C2: variants seen among roughly 807,000 people sequenced by gnomAD.
C2 encodes the protein C3/C5 convertase.
Under a neutral mutation model 85.2 loss-of-function variants are expected in C2, and 64 were observed. The observed-to-expected ratio is 0.75, with a 90% CI of 0.61 to 0.92. C2 has a LOEUF of 0.92. Ranked by LOEUF, C2 falls within the 40% of genes least tolerant of loss-of-function variation. The pLI is 0.00. For synonymous variants in C2, 311 were observed against 370.8 expected (o/e 0.84, Z 1.85); for missense variants, 820 against 971.6 (o/e 0.84, Z 2.07).
intron 1 of C2, among the ~76,000 whole-genome samples, chr6:31,913,033 A>AG (rs1466565480): frequency 2.0e-5 from 3 of 149,658 alleles, no homozygotes; most frequent in Non-Finnish European, 4.5e-5. Flanking sequence ...GTTTCCACAA[A>AG]AAAAAAAAAA....
intron 6 of C2, 40 bp downstream of exon 6, chr6:31,934,339 G>T: frequency 6.2e-7 from 1 of 1,613,132 alleles, no homozygotes; most frequent in Non-Finnish European, 8.5e-7. Context: ...AGGCCTTCCT[G>T]TGCTCACTAT....
chr6:31,918,710 C>T (rs761554454), upstream of C2, among the ~76,000 whole-genome samples: 2 of 151,700 alleles, frequency 1.3e-5, no homozygotes, highest in Non-Finnish European at 2.9e-5. Context: ...CCAGCCTGGC[C>T]AAGTTGGTGA....
At position 31,943,304 on chromosome 6, in the gene C2, G is replaced by A; in HGVS notation, c.1440G>A (p.Trp480Ter). The A allele has an allele frequency of 6.2e-7, 1 of 1,613,028 alleles. No homozygotes were observed. Reference protein sequence around the residue: ...ANASDQERTPWHVTIKPKSQE... With the variant: ...ANASDQERTP The stretch of plus-strand genomic sequence containing the variant: ...CCTCTGACCAGGAGAGGACACCCTG[G>A]CATGTCACTATTAAGGTACCAGGAA... The change falls in exon 11 of 18, where the codon TGG (tryptophan) becomes TGA (stop). Residue 480 changes from tryptophan (W) to a stop codon, truncating the protein, a stop_gained. Transcript: ENST00000299367. LOFTEE classifies it high-confidence loss of function. This position sits in a 1 kb window ranked among gnomAD's most constrained non-coding sequence, Gnocchi z 6.4.
Position 31,920,653 on chromosome 6 carries a change from G to C in C2, c.-100+627G>C, listed in dbSNP as rs545244322. ...CATGCCCCCCACCAGCCCAAGGACA[G>C]TGGAGACCTCAGAGGGCTGAGGTAA... On this transcript the variant is annotated intron_variant, in intron 1 of 3. Coordinates refer to the C2 transcript ENST00000413154. The surrounding 1 kb of genome is among the most constrained non-coding windows in gnomAD (Gnocchi z 5.6). 6.6e-6 allele frequency among the ~76,000 whole-genome samples: 1 copy of C among 152,334 alleles called. No individual in the cohort carries two copies. Among genetic ancestry groups the C allele is most frequent in the East Asian group, 1.9e-4 (1 of 5,190 alleles).
chr6:31,930,027 A>T (rs1769605221), intron 3 of C2, among the ~76,000 whole-genome samples: 1 of 151,346 alleles, frequency 6.6e-6, no homozygotes, highest in South Asian at 2.1e-4. Flanking sequence ...AAACAAACAA[A>T]CAAACAAACA....
intron 6 of C2, chr6:31,934,931 C>A: frequency 7.4e-6 from 2 of 269,820 alleles, no homozygotes; most frequent in Non-Finnish European, 1.1e-5. Flanking sequence ...TCGCTTGGAT[C>A]CGGGAGGTGG....
chr6:31,944,655 A>G lies in C2; in HGVS notation c.1903-72A>G. The G allele has an allele frequency of 6.4e-7, 1 of 1,552,644 alleles. No individual in the cohort carries two copies. Among genetic ancestry groups the G allele is most frequent in the Non-Finnish European group, 8.9e-7 (1 of 1,126,712 alleles). On this transcript the variant is annotated intron_variant, in intron 15 of 17. Coordinates refer to ENST00000299367, the MANE Select transcript of C2 (RefSeq NM_000063.6). This position sits in a 1 kb window ranked among gnomAD's most constrained non-coding sequence, Gnocchi z 5.1. Reference sequence around the variant, plus strand: ...CTCAACCTCCCAAAGTGCTGAGATTACAGGCGTGAGCCACTGCACCCACCC... The same window carrying G: ...CTCAACCTCCCAAAGTGCTGAGATTGCAGGCGTGAGCCACTGCACCCACCC...
chr6:31,911,134 A>G (rs577519817), intron 1 of C2, among the ~76,000 whole-genome samples: 1 of 152,168 alleles, frequency 6.6e-6, no homozygotes, highest in South Asian at 2.1e-4. Flanking sequence ...CCCCGTCTCT[A>G]CTAAAAATAC....
upstream of C2, among the ~76,000 whole-genome samples, chr6:31,899,346 C>A (rs1035275602): frequency 8.0e-5 from 12 of 150,634 alleles, no homozygotes; most frequent in African/African-American, 4.9e-5. Flanking sequence ...TCTTACCTGG[C>A]GTCTTACTTT....
rs1284548990 is a variant in C2, at chr6:31,937,310, A to G, written c.989-9A>G. ...TTCTAAGAGAGTCCTTCCTTTTGGC[A>G]TATTCCAGATCATGAAAATGGAACT... On this transcript the variant is annotated splice_polypyrimidine_tract_variant and intron_variant, in intron 7 of 17. Coordinates refer to ENST00000299367, the MANE Select transcript of C2 (RefSeq NM_000063.6). 1.2e-6 allele frequency: 2 copies of G among 1,612,752 alleles called. No homozygotes were observed. Among genetic ancestry groups the G allele is most frequent in the Non-Finnish European group, 1.7e-6 (2 of 1,179,902 alleles).
In C2 at chr6:31,932,690, C is replaced by T. The variant is rs535858326; in HGVS notation, c.443-920C>T. Among the ~76,000 whole-genome samples the T allele has an allele frequency of 5.3e-5, 8 of 151,458 alleles. No homozygotes were observed. The South Asian group carries it at 1.0e-3, about 20-fold the overall frequency. ...CAGACGATGGGTGGCCAGGCGGAGA[C>T]GCTCCTCACTTCCCAGACGGGGTGG... On this transcript the variant is annotated intron_variant, in intron 3 of 17. Transcript: ENST00000299367.
chr6:31,918,675 G>A (rs943796059), upstream of C2, among the ~76,000 whole-genome samples: 1 of 151,686 alleles, frequency 6.6e-6, no homozygotes, highest in East Asian at 1.9e-4. Context: ...CGAGGTGGGC[G>A]GATCACGAGG....
In C2 at chr6:31,944,591, G is replaced by C. The variant is rs1771198809; in HGVS notation, c.1903-136G>C. ...AGACGGGATTTCGCCATGTTGGCCA[G>C]GATGGTCTTGAACTCCTGACCTCAA... On this transcript the variant is annotated intron_variant, in intron 15 of 17. Coordinates refer to ENST00000299367, the MANE Select transcript of C2 (RefSeq NM_000063.6). This position sits in a 1 kb window ranked among gnomAD's most constrained non-coding sequence, Gnocchi z 5.1. 3.1e-6 allele frequency: 3 copies of C among 963,238 alleles called. No individual in the cohort carries two copies. Among genetic ancestry groups the C allele is most frequent in the Non-Finnish European group, 5.0e-6 (3 of 594,332 alleles). 59.7% of individuals were successfully genotyped at this position (963,238 alleles called of 1,614,324 possible).
chr6:31,932,441 G>A (rs770997101), intron 3 of C2: 1 of 294,268 alleles, frequency 3.4e-6, no homozygotes, highest in South Asian at 2.5e-5. Flanking sequence ...TTCTCAGACG[G>A]GGCGGCCGGG....
Position 31,927,896 on chromosome 6 carries a change from T to G in C2, c.47-59T>G. The G allele has an allele frequency of 6.3e-7, 1 of 1,595,304 alleles. No individual in the cohort carries two copies. Among genetic ancestry groups the G allele is most frequent in the Non-Finnish European group, 8.6e-7 (1 of 1,162,838 alleles). On this transcript the variant is annotated intron_variant, in intron 1 of 17. Transcript: ENST00000299367. This position sits in a 1 kb window ranked among gnomAD's most constrained non-coding sequence, Gnocchi z 4.7. Reference sequence around the variant, plus strand: ...GTGAAACAGTCTCTTTTGCTTTCCTTTTCTCATCTGTGTCTTCCTTCTTTC... The same window carrying G: ...GTGAAACAGTCTCTTTTGCTTTCCTGTTCTCATCTGTGTCTTCCTTCTTTC...
At chr6:31,924,016 T>G (rs1408762154), upstream of C2, among the ~76,000 whole-genome samples, 31 of 125,532 alleles carry the variant, frequency 2.5e-4, no homozygotes, top group Admixed American at 6.4e-4. Flanking sequence ...TAGCCAGGAT[T>G]GTCTCGATCT....
intron 3 of C2, among the ~76,000 whole-genome samples, chr6:31,931,865 C>T (rs1769789188): frequency 1.3e-5 from 2 of 150,954 alleles, no homozygotes; most frequent in Admixed American, 6.6e-5. Context: ...CCTCACCTCC[C>T]GGACAGGGCG....
chr6:31,945,504 C>A lies in C2; in HGVS notation c.*147C>A. The A allele has an allele frequency of 1.3e-6, 1 of 788,228 alleles. No homozygotes were observed. The highest frequency in any genetic ancestry group is 2.1e-6 in the Non-Finnish European group (1 of 470,318). The allele number at this position is 788,228 out of a possible 1,614,324, so 48.8% of individuals were successfully genotyped here. On this transcript the variant is annotated 3_prime_UTR_variant, in exon 18 of 18. Transcript: ENST00000299367. This position sits in a 1 kb window ranked among gnomAD's most constrained non-coding sequence, Gnocchi z 5.3. ...TCTAGGATGCCAGAGGCAGCGCACACAAGCTGGGAAATCCTCAGGGCTCCT... is the reference window on the plus strand; with the variant it reads ...TCTAGGATGCCAGAGGCAGCGCACAAAAGCTGGGAAATCCTCAGGGCTCCT...
intron 8 of C2, 64 bp downstream of exon 8, chr6:31,937,523 G>A: frequency 1.3e-6 from 2 of 1,590,656 alleles, no homozygotes; most frequent in Non-Finnish European, 1.7e-6. Context: ...GGGGTCAGAA[G>A]CCCTGAATTC....
Sources: gnomAD v4.1 joint callset for allele counts (sites outside exome capture counted in the v4.1 genomes callset) on GRCh38, gnomAD v4.1.1 for gene constraint, Gnocchi (gnomAD v3.1) non-coding constraint, MANE v1.5 for transcripts, NCBI Gene and HGNC (gene_info 2026-07-23, HGNC 2026-07-21) for gene names.